Variants in USP8 observed in about 807,000 individuals in gnomAD.
The protein encoded by USP8 is ubiquitin specific peptidase 8, also known as ubiquitin carboxyl-terminal hydrolase 8.
In USP8, 27 loss-of-function variants were observed where a neutral mutation model predicts 130.0. The observed-to-expected ratio is 0.21, with a 90% CI of 0.15 to 0.29. The LOEUF (loss-of-function observed/expected upper bound fraction) is 0.29, where lower values mean the gene tolerates loss of function less well. Among genes scored for constraint, USP8 ranks in the 10% least tolerant of loss-of-function variants. The pLI, the probability that USP8 is intolerant of heterozygous loss-of-function variation, is 1.00. For synonymous variants in USP8, 392 were observed against 444.1 expected (o/e 0.88, Z 1.48); for missense variants, 1,029 against 1,312.2 (o/e 0.78, Z 3.33).
intron 4 of USP8, among the ~76,000 whole-genome samples, chr15:50,457,596 C>T (rs1281393331): frequency 6.8e-6 from 1 of 146,236 alleles, no homozygotes; most frequent in Non-Finnish European, 1.5e-5. Context: ...GCCACGGTGG[C>T]TCACACCTAT....
intron 7 of USP8, among the ~76,000 whole-genome samples, chr15:50,470,587 T>TTG (rs1400190294): frequency 1.3e-5 from 2 of 150,788 alleles, no homozygotes; most frequent in Non-Finnish European, 1.5e-5. Flanking sequence ...TGGCAGGCCA[T>TTG]TGTGAGGACT....
At position 50,501,164 on chromosome 15, in the gene USP8, AAG is replaced by A. The variant is rs1159115386; in HGVS notation, c.*2078_*2079del. The A allele has an allele frequency of 4.0e-6, 1 of 247,028 alleles. No individual in the cohort carries two copies. Among genetic ancestry groups the A allele is most frequent in the Non-Finnish European group, 8.2e-6 (1 of 122,392 alleles). The allele number at this position is 247,028 out of a possible 1,614,324, so 15.3% of individuals were successfully genotyped here. A position where few individuals can be genotyped will look rare whatever the true frequency, so the allele number is the denominator to read the frequency against. ...TAAGCATTAAAGGAAATTTTACAAT[AAG>A]AAGATAATTCAGGCCGGGCACAGTG... On this transcript the variant is annotated 3_prime_UTR_variant, in exon 20 of 20. Transcript: ENST00000307179.
chr15:50,489,866 T>A lies in USP8; in HGVS notation c.1956T>A (p.Pro652=), dbSNP rs1458122293. 1.3e-6 allele frequency: 2 copies of A among 1,583,380 alleles called. No individual in the cohort carries two copies. The highest frequency in any genetic ancestry group is 1.4e-5 in the African/African-American group (1 of 73,622). ...EEMGRIVPGL[P]SGWAKFLDPI... The stretch of plus-strand genomic sequence containing the variant: ...TGGGGAGGATCGTACCAGGACTGCC[T>A]TCAGGCTGGGCCAAGGTAAAAGTCA... Residue 652 remains proline (P), a synonymous_variant, in exon 13 of 20, where the codon CCT becomes CCA. Transcript: ENST00000307179.
At chr15:50,444,843 G>A (rs1490492922) in intron 3 of USP8, among the ~76,000 whole-genome samples, 1 of 152,062 alleles carries the variant, frequency 6.6e-6, no homozygotes, top group Non-Finnish European at 1.5e-5. Context: ...CTGCAGCCTC[G>A]ACTTCCTGGG....
intron 4 of USP8, chr15:50,458,370 C>G (rs143689488): frequency 0.011 from 1,655 of 152,690 alleles, 17 homozygotes; most frequent in Admixed American, 0.017. Flanking sequence ...AGGCTGGTCT[C>G]GAACTCCTGA....
intron 1 of USP8, among the ~76,000 whole-genome samples, chr15:50,437,354 T>C (rs1356821175): frequency 1.3e-5 from 2 of 152,222 alleles, no homozygotes; most frequent in South Asian, 2.1e-4. Context: ...CTGCTTTCTT[T>C]ATAGTTTTAC....
At chr15:50,490,191 G>A (rs2141316866) in intron 13 of USP8, 72 bp from the exon 14 acceptor site, 2 of 1,421,090 alleles carry the variant, frequency 1.4e-6, no homozygotes, top group Non-Finnish European at 1.9e-6. Context: ...GAATACTTTG[G>A]AGTGATTTCT....
At position 50,462,186 on chromosome 15, in the gene USP8, T is replaced by C. The variant is rs1035855983; in HGVS notation, c.499-94T>C. ...GCCAGTACTCTGCACAGTTCGTTTC[T>C]TAGAGTTTCCATTTAAGAGAAGTAA... On this transcript the variant is annotated intron_variant, in intron 5 of 19. Transcript: ENST00000307179. The C allele has an allele frequency of 1.2e-5, 13 of 1,083,214 alleles. No individual in the cohort carries two copies. In the African/African-American group the frequency reaches 1.9e-4, roughly 16 times the overall value. The allele number at this position is 1,083,214 out of a possible 1,614,324, so 67.1% of individuals were successfully genotyped here. A position where few individuals can be genotyped will look rare whatever the true frequency, so the allele number is the denominator to read the frequency against.
intron 1 of USP8, among the ~76,000 whole-genome samples, chr15:50,428,773 GT>G (rs1476836445): frequency 6.6e-6 from 1 of 152,118 alleles, no homozygotes; most frequent in Non-Finnish European, 1.5e-5. Context: ...TCAGCATGAG[GT>G]TTTTGGTTTT....
At chr15:50,447,819 TCTCAAACTC>T (rs1042505046) in intron 3 of USP8, among the ~76,000 whole-genome samples, 3 of 151,032 alleles carry the variant, frequency 2.0e-5, no homozygotes, top group Non-Finnish European at 3.0e-5. Context: ...CCCAGGCAGG[TCTCAAACTC>T]CTGGGCTCAA....
At position 50,513,618 on chromosome 15, in the gene USP8, A is replaced by C. The variant is rs1252549677; in HGVS notation, c.*14530A>C. 2 of 152,084 alleles carry C rather than the reference A, an allele frequency of 1.3e-5. No homozygotes were observed. The highest frequency in any genetic ancestry group is 3.8e-4 in the East Asian group (2 of 5,200). 9.4% of individuals were successfully genotyped at this position (152,084 alleles called of 1,614,324 possible). A position where few individuals can be genotyped will look rare whatever the true frequency, so the allele number is the denominator to read the frequency against. ...AAAGAACTACAATTCCATAAGAAAA[A>C]GGCAGGCCACAGAATAGGAAAAAGA... On this transcript the variant is annotated 3_prime_UTR_variant, in exon 20 of 20. Coordinates refer to ENST00000307179, the MANE Select transcript of USP8 (RefSeq NM_005154.5).
intron 11 of USP8, among the ~76,000 whole-genome samples, chr15:50,483,284 T>G (rs1381839882): frequency 6.6e-6 from 1 of 152,212 alleles, no homozygotes; most frequent in Non-Finnish European, 1.5e-5. Flanking sequence ...GCATGCAGTC[T>G]TTAGAACTTA....
intron 2 of USP8, among the ~76,000 whole-genome samples, 173 bp from the exon 3 acceptor site, chr15:50,441,176 C>T (rs192871012): frequency 6.6e-6 from 1 of 152,236 alleles, no homozygotes; most frequent in African/African-American, 2.4e-5. Context: ...CTGGCTAACC[C>T]ACCACTCATC....
rs397853938 is a variant in USP8, at chr15:50,488,552, CTTTTTTTTTTTTTTT to C, written c.1891-1234_1891-1220del. ...GTGCATGCCATCACATCAAGGTTGG[CTTTTTTTTTTTTTTT>C]TTTTTTTTTTTTTTGGAGATGGAGT... On this transcript the variant is annotated intron_variant, in intron 12 of 19. Transcript: ENST00000307179. Among the ~76,000 whole-genome samples the C allele has an allele frequency of 2.0e-4, 14 of 70,940 alleles. No homozygotes were observed. The East Asian group carries it at 4.3e-3, about 22-fold the overall frequency. The allele number at this position is 70,940 out of a possible 152,430, so 46.5% of individuals were successfully genotyped here.
At chr15:50,429,832 G>T (rs1383001202) in intron 1 of USP8, among the ~76,000 whole-genome samples, 1 of 152,076 alleles carries the variant, frequency 6.6e-6, no homozygotes, top group Non-Finnish European at 1.5e-5. Context: ...TATGTTTTTG[G>T]TGCATGTTAA....
chr15:50,424,420 C>T lies in USP8; in HGVS notation c.-160C>T, dbSNP rs2049623868. 7.5e-6 allele frequency: 3 copies of T among 398,582 alleles called. No homozygotes were observed. Among genetic ancestry groups the T allele is most frequent in the African/African-American group, 6.2e-5 (3 of 48,654 alleles). The allele number at this position is 398,582 out of a possible 1,614,324, so 24.7% of individuals were successfully genotyped here. On this transcript the variant is annotated 5_prime_UTR_variant, in exon 1 of 20. Transcript: ENST00000307179. ...AAAAGGGGGTGAGCTGGGCTGGCTT[C>T]CGTCCTGGTAGCCAAGGCTAATTCT...
At chr15:50,439,790 C>CGATAAT in intron 2 of USP8, among the ~76,000 whole-genome samples, 1 of 133,592 alleles carries the variant, frequency 7.5e-6, no homozygotes, top group East Asian at 2.2e-4. Flanking sequence ...AACTCTGTCT[C>CGATAAT]AATAATAATA....
chr15:50,477,477 C>G lies in USP8; in HGVS notation c.1196C>G (p.Pro399Arg), dbSNP rs1206230135. ...SDVSPIIQPVPSIKNVPQIDR... is the reference protein window; with the variant it reads ...SDVSPIIQPVRSIKNVPQIDR... ...GTTTCACCCATAATTCAGCCAGTGC[C>G]TAGTATAAAGAATGTTCCACAGGTA... is the stretch of plus-strand genomic sequence containing the variant. The change falls in exon 10 of 20, where the codon CCT becomes CGT. Residue 399 changes from proline to arginine, a missense_variant. Physicochemically the swap from Pro to Arg is moderately radical, Grantham distance 103. Coordinates refer to ENST00000307179, the MANE Select transcript of USP8 (RefSeq NM_005154.5). 1.2e-6 allele frequency: 2 copies of G among 1,613,392 alleles called. No homozygotes were observed. Among genetic ancestry groups the G allele is most frequent in the Non-Finnish European group, 1.7e-6 (2 of 1,179,788 alleles).
At chr15:50,434,328 C>G (rs533189893) in intron 1 of USP8, among the ~76,000 whole-genome samples, 1 of 151,862 alleles carries the variant, frequency 6.6e-6, no homozygotes, top group Non-Finnish European at 1.5e-5. Flanking sequence ...GTCTCAAACT[C>G]CCGACCTCAA....
Sources: allele counts gnomAD v4.1 joint callset (sites outside exome capture counted in the v4.1 genomes callset), GRCh38; gene constraint gnomAD v4.1.1; transcripts MANE v1.5; gene names NCBI Gene and HGNC (gene_info 2026-07-23, HGNC 2026-07-21).